Variants in CTNNA2 observed in about 807,000 individuals in gnomAD.
CTNNA2 encodes catenin alpha-2.
Under a neutral mutation model 101.0 loss-of-function variants are expected in CTNNA2, and 42 were observed. The observed-to-expected ratio is 0.42, with a 90% confidence interval of 0.32 to 0.54. The LOEUF is 0.54. Among genes scored for constraint, CTNNA2 ranks in the 20% least tolerant of loss-of-function variants. The pLI is 0.14. For synonymous variants in CTNNA2, 450 were observed against 456.4 expected (o/e 0.99, Z 0.18); for missense variants, 871 against 1,223.1 (o/e 0.71, Z 4.29).
chr2:80,346,999 A>T (rs1192938981), intron 7 of CTNNA2, among the ~76,000 whole-genome samples: 1 of 152,198 alleles, frequency 6.6e-6, no homozygotes, highest in Non-Finnish European at 1.5e-5. Context: ...AGGTTTGAAG[A>T]TCTGGACTTA....
chr2:79,844,298 T>C (rs745472686), intron 3 of CTNNA2, among the ~76,000 whole-genome samples: 10 of 152,190 alleles, frequency 6.6e-5, no homozygotes, highest in Non-Finnish European at 1.3e-4. Flanking sequence ...ACAGGAAAAA[T>C]TGATTCTACT....
At chr2:80,530,165 A>T (rs1690410562) in intron 9 of CTNNA2, among the ~76,000 whole-genome samples, 1 of 151,546 alleles carries the variant, frequency 6.6e-6, no homozygotes. Context: ...AAAAAAAGGG[A>T]CTCCATGTGG....
intron 7 of CTNNA2, among the ~76,000 whole-genome samples, chr2:80,202,508 C>G (rs1707269713): frequency 6.6e-6 from 1 of 152,080 alleles, no homozygotes; most frequent in South Asian, 2.1e-4. Context: ...TGGGTTGAAT[C>G]CAGAATTCAT....
intron 11 of CTNNA2, among the ~76,000 whole-genome samples, chr2:80,546,526 C>A (rs1191412985): frequency 6.6e-6 from 1 of 152,186 alleles, no homozygotes; most frequent in African/African-American, 2.4e-5. Flanking sequence ...ATATCAGCCA[C>A]AGAACTTACC....
chr2:80,438,395 G>GT (rs530639965), intron 9 of CTNNA2, among the ~76,000 whole-genome samples: 6,449 of 142,956 alleles, frequency 0.045, 194 homozygotes, highest in South Asian at 0.14. Flanking sequence ...GATGCCAAAT[G>GT]TTTTTTTTTT....
At chr2:80,242,268 A>T (rs1455549663) in intron 7 of CTNNA2, among the ~76,000 whole-genome samples, 2 of 152,186 alleles carry the variant, frequency 1.3e-5, no homozygotes, top group South Asian at 2.1e-4. Flanking sequence ...GTATCCAAGG[A>T]TGTTCACTGT....
intron 7 of CTNNA2, among the ~76,000 whole-genome samples, chr2:79,962,996 G>A (rs951080563): frequency 4.1e-5 from 6 of 147,992 alleles, no homozygotes; most frequent in Middle Eastern, 3.6e-3. Context: ...GTGTGAACCC[G>A]GGAGGCGGAA....
intron 7 of CTNNA2, among the ~76,000 whole-genome samples, chr2:80,131,468 A>C (rs1702410320): frequency 6.6e-6 from 1 of 152,226 alleles, no homozygotes; most frequent in African/African-American, 2.4e-5. Flanking sequence ...AAAAGTTTAT[A>C]AAATGGTAAT....
Position 80,436,153 on chromosome 2 carries a change from C to T in CTNNA2, c.1290+16552C>T, listed in dbSNP as rs927807483. ...TCACGGTCATCGACATTAGTGGCTT[C>T]GCTCCCAACCTCTGAAGGCAGGTCA... is the stretch of plus-strand genomic sequence containing the variant. On this transcript the variant is annotated intron_variant, in intron 9 of 18. Transcript: ENST00000402739. 6.4e-4 allele frequency among the ~76,000 whole-genome samples: 97 copies of T among 152,266 alleles called. 1 individual carries two copies. The highest frequency in any genetic ancestry group is 2.0e-3 in the African/African-American group (82 of 41,554).
chr2:79,547,311 T>G (rs1263575183), intron 1 of CTNNA2: 1 of 152,192 alleles, frequency 6.6e-6, no homozygotes, highest in African/African-American at 2.4e-5. Flanking sequence ...GATTACATTT[T>G]AAGAATTGCT....
chr2:79,221,854 A>ACC (rs1443221239), intron 2 of CTNNA2, among the ~76,000 whole-genome samples: 3 of 152,170 alleles, frequency 2.0e-5, no homozygotes, highest in African/African-American at 7.2e-5. Flanking sequence ...GAACCTCTCT[A>ACC]CCACCAGCCC....
chr2:80,458,035 G>C (rs1046682773), intron 9 of CTNNA2, among the ~76,000 whole-genome samples: 1 of 152,210 alleles, frequency 6.6e-6, no homozygotes, highest in Non-Finnish European at 1.5e-5. Flanking sequence ...TGCAGATGAG[G>C]AGGGCAAGAA....
intron 9 of CTNNA2, among the ~76,000 whole-genome samples, chr2:80,535,969 C>T (rs1304763214): frequency 7.2e-5 from 11 of 152,174 alleles, no homozygotes; most frequent in Non-Finnish European, 1.6e-4. Context: ...TTAGCCTATT[C>T]CTATGCCCAT....
intron 9 of CTNNA2, among the ~76,000 whole-genome samples, chr2:80,455,648 A>G (rs1056205842): frequency 1.3e-5 from 2 of 152,174 alleles, no homozygotes; most frequent in Admixed American, 1.3e-4. Context: ...CATTAAAGTG[A>G]AGAAAATAAT....
chr2:80,611,385 GA>G (rs1316014472), intron 17 of CTNNA2, among the ~76,000 whole-genome samples: 2 of 151,476 alleles, frequency 1.3e-5, no homozygotes, highest in Non-Finnish European at 3.0e-5. Flanking sequence ...GAAAGTTAAA[GA>G]TAACATGTCT....
At chr2:79,311,859 A>C (rs942095204) in intron 2 of CTNNA2, among the ~76,000 whole-genome samples, 1 of 152,144 alleles carries the variant, frequency 6.6e-6, no homozygotes, top group African/African-American at 2.4e-5. Flanking sequence ...GTAGTTACAC[A>C]TGCAATTTAT....
At chr2:80,547,811 T>TCC (rs932822095) in intron 11 of CTNNA2, among the ~76,000 whole-genome samples, 11 of 148,816 alleles carry the variant, frequency 7.4e-5, no homozygotes, top group African/African-American at 2.5e-4. Flanking sequence ...CGCCTCAGCC[T>TCC]CCAGAGTAGC....
intron 2 of CTNNA2, among the ~76,000 whole-genome samples, chr2:79,258,845 C>CACA (rs1553387241): frequency 1.1e-5 from 1 of 91,374 alleles, no homozygotes; most frequent in East Asian, 3.5e-4. Flanking sequence ...AATCCTCTAC[C>CACA]AAAAAAAAAA....
At position 80,302,661 on chromosome 2, in the gene CTNNA2, G is replaced by T; in HGVS notation, c.1057-90550G>T. On this transcript the variant is annotated intron_variant, in intron 7 of 18. Transcript: ENST00000402739. This position sits in a 1 kb window ranked among gnomAD's most constrained non-coding sequence, Gnocchi z 6.4. ...GCGAGCGTGGTGGCCGAGCTGGCAG[G>T]GGGCCCCAGATCACTGCGGTTGGTG... 3 of 1,610,308 alleles carry T rather than the reference G, an allele frequency of 1.9e-6. No homozygotes were observed. The highest frequency in any genetic ancestry group is 2.5e-6 in the Non-Finnish European group (3 of 1,179,090).
Sources: gnomAD v4.1 joint callset for allele counts (sites outside exome capture counted in the v4.1 genomes callset) on GRCh38, gnomAD v4.1.1 for gene constraint, Gnocchi (gnomAD v3.1) non-coding constraint, MANE v1.5 for transcripts, NCBI Gene and HGNC (gene_info 2026-07-23, HGNC 2026-07-21) for gene names.